The following ATF4 variants were observed in gnomAD, a reference collection of about 807,000 sequenced individuals.
The protein encoded by ATF4 is cyclic AMP-dependent transcription factor ATF-4.
A neutral mutation model predicts 21.0 loss-of-function variants in ATF4; 8 were observed. The ratio of observed to expected loss-of-function variants is 0.38; its 90% CI spans 0.22 to 0.69. The LOEUF is 0.69. Among genes scored for constraint, ATF4 ranks in the 30% least tolerant of loss-of-function variants. ATF4 has a pLI of 0.49. For missense variants in ATF4, 549 were observed against 425.9 expected (o/e 1.29, Z -2.54); for synonymous variants, 241 against 166.4 (o/e 1.45, Z -3.45).
chr22:39,522,446 G>A lies in ATF4; in HGVS notation c.900G>A (p.Arg300=). 4 of 1,613,764 alleles carry A rather than the reference G, an allele frequency of 2.5e-6. No homozygotes were observed. The highest frequency in any genetic ancestry group is 3.4e-6 in the Non-Finnish European group (4 of 1,179,768). The change falls in exon 3 of 3, where the codon AGG becomes AGA. Residue 300 remains arginine, a synonymous_variant. Coordinates refer to ENST00000674920, the MANE Select transcript of ATF4 (RefSeq NM_182810.3). ...CCACTAGGTACCGCCAGAAGAAGAGGGCGGAGCAGGAGGCTCTTACTGGTG... is the reference window on the plus strand; with the variant it reads ...CCACTAGGTACCGCCAGAAGAAGAGAGCGGAGCAGGAGGCTCTTACTGGTG... ...TAATRYRQKK[R]AEQEALTGEC...
At position 39,521,935 on chromosome 22, in the gene ATF4, C is replaced by CTAATAA. The variant is rs1422718559; in HGVS notation, c.390_395dup (p.Asn131_Lys132insAsnAsn). On this transcript the variant is annotated inframe_insertion, in exon 3 of 3. Coordinates refer to ENST00000674920, the MANE Select transcript of ATF4 (RefSeq NM_182810.3). ...CTCTTTGCCCCCCTAGTCCAGGAGA[C>CTAATAA]TAATAAGCAGCCCCCCCAGACGGTG... 4.3e-6 allele frequency: 7 copies of CTAATAA among 1,611,864 alleles called. No individual in the cohort carries two copies. The Admixed American group carries it at 1.2e-4, about 27-fold the overall frequency.
chr22:39,521,993 A>G lies in ATF4; in HGVS notation c.447A>G (p.Thr149=). Residue 149 remains threonine (T), a synonymous_variant, in exon 3 of 3, where the codon ACA becomes ACG. Coordinates refer to ENST00000674920, the MANE Select transcript of ATF4 (RefSeq NM_182810.3). The stretch of plus-strand genomic sequence containing the variant: ...TTGGCCATCTCCCAGAAAGTTTAAC[A>G]AAACCCGACCAGGTTGCCCCCTTCA... The part of the protein sequence containing the change: ...NPIGHLPESL[T]KPDQVAPFTF... 1.2e-6 allele frequency: 2 copies of G among 1,613,382 alleles called. No individual in the cohort carries two copies. The highest frequency in any genetic ancestry group is 1.7e-5 in the Admixed American group (1 of 59,992).
At position 39,522,439 on chromosome 22, in the gene ATF4, A is replaced by C; in HGVS notation, c.893A>C (p.Lys298Thr). Residue 298 changes from lysine (K) to threonine (T), a missense_variant, in exon 3 of 3, where the codon AAG becomes ACG. Coordinates refer to ENST00000674920, the MANE Select transcript of ATF4 (RefSeq NM_182810.3). ...NKTAATRYRQ[K>T]KRAEQEALTG... is the part of the protein sequence containing the mutation. The stretch of plus-strand genomic sequence containing the variant: ...ACAGCAGCCACTAGGTACCGCCAGA[A>C]GAAGAGGGCGGAGCAGGAGGCTCTT... 2 of 1,613,828 alleles carry C rather than the reference A, an allele frequency of 1.2e-6. No individual in the cohort carries two copies. Among genetic ancestry groups the C allele is most frequent in the Non-Finnish European group, 1.7e-6 (2 of 1,179,788 alleles).
At position 39,522,334 on chromosome 22, in the gene ATF4, C is replaced by T. The variant is rs768251819; in HGVS notation, c.788C>T (p.Pro263Leu). The T allele has an allele frequency of 6.2e-7, 1 of 1,612,778 alleles. No individual in the cohort carries two copies. Among genetic ancestry groups the T allele is most frequent in the Non-Finnish European group, 8.5e-7 (1 of 1,179,434 alleles). The change falls in exon 3 of 3, where the codon CCT (proline) becomes CTT (leucine). Residue 263 changes from proline to leucine, a missense_variant. Coordinates refer to ENST00000674920, the MANE Select transcript of ATF4 (RefSeq NM_182810.3). ...CGSARPKPYD[P>L]PGEKMVAAKV... The stretch of plus-strand genomic sequence containing the variant: ...TCTGCCCGTCCCAAACCTTACGATC[C>T]TCCTGGAGAGAAGATGGTAGCAGCA...
Position 39,521,306 on chromosome 22 carries a change from T to C in ATF4, c.-92-48T>C, listed in dbSNP as rs372377952. 4.1e-5 allele frequency: 28 copies of C among 689,546 alleles called. No individual in the cohort carries two copies. In the East Asian group the frequency reaches 5.8e-4, roughly 14 times the overall value. The allele number at this position is 689,546 out of a possible 1,614,324, so 42.7% of individuals were successfully genotyped here. On this transcript the variant is annotated intron_variant, in intron 1 of 2. Transcript: ENST00000674920. ...CCTCATAAGTGGAAGGATGAAATTC[T>C]CAGAACAGCTAACCTCTAATGGGAG...
Position 39,522,382 on chromosome 22 carries a change from A to C in ATF4, c.836A>C (p.Asp279Ala), listed in dbSNP as rs757538227. The change falls in exon 3 of 3, where the codon GAT becomes GCT. Residue 279 changes from aspartate to alanine, a missense_variant. Asp to Ala is a moderately radical substitution (Grantham distance 126, BLOSUM62 -2). Coordinates refer to ENST00000674920, the MANE Select transcript of ATF4 (RefSeq NM_182810.3). ...GCAAAAGTAAAGGGTGAGAAACTGG[A>C]TAAGAAGCTGAAAAAAATGGAGCAA... Reference protein sequence around the residue: ...VAAKVKGEKLDKKLKKMEQNK... With the variant: ...VAAKVKGEKLAKKLKKMEQNK... 1.9e-6 allele frequency: 3 copies of C among 1,612,738 alleles called. No homozygotes were observed. Among genetic ancestry groups the C allele is most frequent in the Non-Finnish European group, 2.5e-6 (3 of 1,179,356 alleles).
At chr22:39,521,165 A>C in intron 1 of ATF4, 189 bp from the exon 2 acceptor site, 1 of 228,896 alleles carries the variant, frequency 4.4e-6, no homozygotes. Flanking sequence ...GGCCGGTGGA[A>C]GAATCCCCTG....
rs753266567 is a variant in ATF4, at chr22:39,522,030, C to T, written c.484C>T (p.Pro162Ser). 1.6e-5 allele frequency: 26 copies of T among 1,613,826 alleles called. No homozygotes were observed. Among genetic ancestry groups the T allele is most frequent in the East Asian group, 6.7e-5 (3 of 44,886 alleles). The change falls in exon 3 of 3, where the codon CCT becomes TCT. Residue 162 changes from proline to serine, a missense_variant. Coordinates refer to ENST00000674920, the MANE Select transcript of ATF4 (RefSeq NM_182810.3). Reference sequence around the variant, plus strand: ...GGTTGCCCCCTTCACCTTCTTACAACCTCTTCCCCTTTCCCCAGGGGTCCT... The same window carrying T: ...GGTTGCCCCCTTCACCTTCTTACAATCTCTTCCCCTTTCCCCAGGGGTCCT... ...DQVAPFTFLQ[P>S]LPLSPGVLSS...
In ATF4 at chr22:39,521,644, T is replaced by G. The variant is rs566425803; in HGVS notation, c.199T>G (p.Leu67Val). ...GSSEWLAVDG[L>V]VSPSNNSKED... ...CTCCGAATGGCTGGCTGTGGATGGG[T>G]TGGTCAGTCCCTCCAACAACAGCAA... is the stretch of plus-strand genomic sequence containing the variant. Residue 67 changes from leucine (L) to valine (V), a missense_variant, in exon 2 of 3, where the codon TTG becomes GTG. Coordinates refer to ENST00000674920, the MANE Select transcript of ATF4 (RefSeq NM_182810.3). 2 of 1,613,968 alleles carry G rather than the reference T, an allele frequency of 1.2e-6. No individual in the cohort carries two copies. The highest frequency in any genetic ancestry group is 2.2e-5 in the South Asian group (2 of 91,072).
intron 1 of ATF4, 47 bp downstream of exon 1, chr22:39,520,798 G>A (rs747675211): frequency 6.5e-6 from 1 of 153,704 alleles, no homozygotes; most frequent in Non-Finnish European, 1.5e-5. Context: ...GGGCCGGCGC[G>A]GGTTTTGGAT....
Position 39,521,655 on chromosome 22 carries a change from C to G in ATF4, c.210C>G (p.Pro70=). The change falls in exon 2 of 3, where the codon CCC becomes CCG. Residue 70 remains proline (P), a synonymous_variant. Transcript: ENST00000674920. ...TGGCTGTGGATGGGTTGGTCAGTCC[C>G]TCCAACAACAGCAAGGGTGAGTGGG... ...EWLAVDGLVS[P]SNNSKEDAFS... The G allele has an allele frequency of 6.2e-7, 1 of 1,613,898 alleles. No individual in the cohort carries two copies. Among genetic ancestry groups the G allele is most frequent in the Non-Finnish European group, 8.5e-7 (1 of 1,179,864 alleles).
Position 39,522,392 on chromosome 22 carries a change from G to C in ATF4, c.846G>C (p.Leu282=). The C allele has an allele frequency of 6.2e-7, 1 of 1,612,376 alleles. No homozygotes were observed. Among genetic ancestry groups the C allele is most frequent in the Non-Finnish European group, 8.5e-7 (1 of 1,179,212 alleles). ...AGGGTGAGAAACTGGATAAGAAGCT[G>C]AAAAAAATGGAGCAAAACAAGACAG... The part of the protein sequence containing the change: ...KVKGEKLDKK[L]KKMEQNKTAA... The change falls in exon 3 of 3, where the codon CTG becomes CTC. Residue 282 remains leucine (L), a synonymous_variant. Coordinates refer to ENST00000674920, the MANE Select transcript of ATF4 (RefSeq NM_182810.3).
Position 39,522,450 on chromosome 22 carries a change from G to A in ATF4, c.904G>A (p.Glu302Lys). 6.2e-7 allele frequency: 1 copy of A among 1,613,858 alleles called. No individual in the cohort carries two copies. The highest frequency in any genetic ancestry group is 8.5e-7 in the Non-Finnish European group (1 of 1,179,798). ...ATRYRQKKRA[E>K]QEALTGECKE... Reference sequence around the variant, plus strand: ...TAGGTACCGCCAGAAGAAGAGGGCGGAGCAGGAGGCTCTTACTGGTGAGTG... The same window carrying A: ...TAGGTACCGCCAGAAGAAGAGGGCGAAGCAGGAGGCTCTTACTGGTGAGTG... The change falls in exon 3 of 3, where the codon GAG becomes AAG. Residue 302 changes from glutamate (E) to lysine (K), a missense_variant. Physicochemically the swap from Glu to Lys is moderately conservative, Grantham distance 56. Transcript: ENST00000674920.
chr22:39,522,155 G>T lies in ATF4; in HGVS notation c.609G>T (p.Met203Ile), dbSNP rs751006341. The T allele has an allele frequency of 4.5e-5, 73 of 1,613,562 alleles. 3 individuals carry two copies. In the South Asian group the frequency reaches 7.9e-4, roughly 17 times the overall value. Residue 203 changes from methionine to isoleucine, a missense_variant, in exon 3 of 3, where the codon ATG (methionine) becomes ATT (isoleucine). Physicochemically the swap from Met to Ile is conservative, Grantham distance 10. Transcript: ENST00000674920. The part of the protein sequence containing the change: ...RKPDYTAYVA[M>I]IPQCIKEEDT... Reference sequence around the variant, plus strand: ...CAGACTACACTGCTTACGTTGCCATGATCCCTCAGTGCATAAAGGAGGAAG... The same window carrying T: ...CAGACTACACTGCTTACGTTGCCATTATCCCTCAGTGCATAAAGGAGGAAG...
In ATF4 at chr22:39,521,921, C is replaced by T. The variant is rs764169884; in HGVS notation, c.375C>T (p.Pro125=). Residue 125 remains proline (P), a synonymous_variant, in exon 3 of 3, where the codon CCC becomes CCT. Coordinates refer to ENST00000674920, the MANE Select transcript of ATF4 (RefSeq NM_182810.3). ...TLDDTCDLFA[P]LVQETNKQPP... ...ATGACACTTGTGATCTCTTTGCCCCCCTAGTCCAGGAGACTAATAAGCAGC... is the reference window on the plus strand; with the variant it reads ...ATGACACTTGTGATCTCTTTGCCCCTCTAGTCCAGGAGACTAATAAGCAGC... 6 of 1,613,648 alleles carry T rather than the reference C, an allele frequency of 3.7e-6. No homozygotes were observed. The highest frequency in any genetic ancestry group is 1.1e-5 in the South Asian group (1 of 91,040).
rs772567775 is a variant in ATF4 at position 39,521,797 on chromosome 22, G to T, written c.251G>T (p.Trp84Leu). ...SKEDAFSGTDWMLEKMDLKEF... is the reference protein window; with the variant it reads ...SKEDAFSGTDLMLEKMDLKEF... ...GAGGATGCCTTCTCCGGGACAGATT[G>T]GATGTTGGAGAAAATGGATTTGAAG... Residue 84 changes from tryptophan (W) to leucine (L), a missense_variant, in exon 3 of 3, where the codon TGG (tryptophan) becomes TTG (leucine). By Grantham distance (61) the Trp-to-Leu change is moderately conservative. Coordinates refer to ENST00000674920, the MANE Select transcript of ATF4 (RefSeq NM_182810.3). 23 of 1,614,056 alleles carry T rather than the reference G, an allele frequency of 1.4e-5. No homozygotes were observed. Among genetic ancestry groups the T allele is most frequent in the Middle Eastern group, 3.3e-4 (2 of 6,062 alleles).
Position 39,521,335 on chromosome 22 carries a change from G to A in ATF4, c.-92-19G>A. On this transcript the variant is annotated intron_variant, in intron 1 of 2. Coordinates refer to ENST00000674920, the MANE Select transcript of ATF4 (RefSeq NM_182810.3). ...AACAGCTAACCTCTAATGGGAGTTG[G>A]CTTCTGATTCTCATTCAGGCTTCTC... 1.4e-5 allele frequency: 13 copies of A among 917,912 alleles called. No homozygotes were observed. Among genetic ancestry groups the A allele is most frequent in the East Asian group, 2.5e-5 (1 of 40,072 alleles). 56.9% of individuals were successfully genotyped at this position (917,912 alleles called of 1,614,324 possible). A position where few individuals can be genotyped will look rare whatever the true frequency, so the allele number is the denominator to read the frequency against.
rs148305437 is a variant in ATF4 at position 39,522,603 on chromosome 22, T to C, written c.*1T>C. The C allele has an allele frequency of 2.6e-6, 4 of 1,532,036 alleles. No individual in the cohort carries two copies. The highest frequency in any genetic ancestry group is 3.5e-6 in the Non-Finnish European group (4 of 1,144,576). The allele number at this position is 1,532,036 out of a possible 1,614,324, so 94.9% of individuals were successfully genotyped here. A position where few individuals can be genotyped will look rare whatever the true frequency, so the allele number is the denominator to read the frequency against. On this transcript the variant is annotated 3_prime_UTR_variant, in exon 3 of 3. Transcript: ENST00000674920. Reference sequence around the variant, plus strand: ...AAGGGGGAAGAAAAGGGTCCCCTAGTTGAGGATAGTCAGGAGCGTCAATGT... The same window carrying C: ...AAGGGGGAAGAAAAGGGTCCCCTAGCTGAGGATAGTCAGGAGCGTCAATGT...
rs573208652 is a variant in ATF4 at position 39,521,116 on chromosome 22, C to G, written c.-92-238C>G. 52 of 178,774 alleles carry G rather than the reference C, an allele frequency of 2.9e-4. 2 individuals carry two copies. The South Asian group carries it at 5.7e-3, about 19-fold the overall frequency. 11.1% of individuals were successfully genotyped at this position (178,774 alleles called of 1,614,324 possible). ...GGTGGGCGGGGCGCGGCCGCCCTGG[C>G]CGTATTTGGACGTGGGGACGGAGCG... On this transcript the variant is annotated intron_variant, in intron 1 of 2. Transcript: ENST00000674920.
Sources: allele counts gnomAD v4.1 joint callset, GRCh38; gene constraint gnomAD v4.1.1; transcripts MANE v1.5; gene names NCBI Gene and HGNC (gene_info 2026-07-23, HGNC 2026-07-21).